The following RXFP1 variants were observed in gnomAD, a reference collection of about 807,000 sequenced individuals.
RXFP1 encodes relaxin family peptide receptor 1, also known as relaxin receptor 1.
A neutral mutation model predicts 89.8 loss-of-function variants in RXFP1; 73 were observed. The observed-to-expected ratio is 0.81, with a 90% confidence interval of 0.67 to 0.99. RXFP1 has a LOEUF of 0.99. Among genes scored for constraint, RXFP1 ranks in the 50% least tolerant of loss-of-function variants. The pLI, the probability that RXFP1 is intolerant of heterozygous loss-of-function variation, is 0.00. For synonymous variants in RXFP1, 277 were observed against 305.5 expected, an observed-to-expected ratio of 0.91 and a Z score of 0.97; for missense variants, 793 against 895.5, an observed-to-expected ratio of 0.89 and a Z score of 1.46.
In RXFP1 at chr4:158,651,895, T is replaced by C. The variant is rs1411070248; in HGVS notation, c.2114T>C (p.Met705Thr). The C allele has an allele frequency of 2.5e-6, 4 of 1,614,170 alleles. No individual in the cohort carries two copies. The highest frequency in any genetic ancestry group is 2.2e-5 in the East Asian group (1 of 44,876). ...TATAACTACAGACAAAGAAAATCTA[T>C]GGACAGCAAAGGTCAGAAAACATAT... ...FWYNYRQRKSMDSKGQKTYAP... is the reference protein window; with the variant it reads ...FWYNYRQRKSTDSKGQKTYAP... Residue 705 changes from methionine to threonine, a missense_variant, in exon 18 of 18, where the codon ATG (methionine) becomes ACG (threonine). By Grantham distance (81) the Met-to-Thr change is moderately conservative. Transcript: ENST00000307765.
rs549638382 is a variant in RXFP1 at position 158,622,071 on chromosome 4, G to A, written c.756-4749G>A. The stretch of plus-strand genomic sequence containing the variant: ...TACGCCTGTAATCCCAACACTGTGG[G>A]TGGCAGAGGTGGGTGGATCACTTGA... On this transcript the variant is annotated intron_variant, in intron 9 of 17. Transcript: ENST00000307765. Among the ~76,000 whole-genome samples the A allele has an allele frequency of 4.6e-5, 7 of 152,342 alleles. No homozygotes were observed. The East Asian group carries it at 1.4e-3, about 29-fold the overall frequency.
At chr4:158,598,416 G>A (rs183578899) in intron 3 of RXFP1, among the ~76,000 whole-genome samples, 10 of 152,188 alleles carry the variant, frequency 6.6e-5, no homozygotes, top group Admixed American at 5.2e-4. Context: ...GGAGACACTG[G>A]AGTCTGTAAC....
chr4:158,524,596 A>T (rs1399316236), intron 1 of RXFP1, among the ~76,000 whole-genome samples: 1 of 152,224 alleles, frequency 6.6e-6, no homozygotes, highest in Non-Finnish European at 1.5e-5. Context: ...CCTTCTGTCC[A>T]TAGTCTAATT....
At chr4:158,643,368 A>ATCAGT (rs1770763902) in intron 14 of RXFP1, among the ~76,000 whole-genome samples, 1 of 151,998 alleles carries the variant, frequency 6.6e-6, no homozygotes, top group Non-Finnish European at 1.5e-5. Context: ...TAGCTCCTGT[A>ATCAGT]TCAGTGCTGC....
intron 1 of RXFP1, among the ~76,000 whole-genome samples, chr4:158,523,027 T>A (rs1339234078): frequency 6.6e-6 from 1 of 152,154 alleles, no homozygotes; most frequent in Non-Finnish European, 1.5e-5. Flanking sequence ...CTCCATCGCA[T>A]CTAAAGTTAA....
intron 9 of RXFP1, among the ~76,000 whole-genome samples, chr4:158,624,158 A>G (rs887791305): frequency 5.9e-5 from 9 of 152,204 alleles, no homozygotes; most frequent in Non-Finnish European, 1.2e-4. Flanking sequence ...TACACAAACC[A>G]AACTCAAGAA....
chr4:158,633,381 A>G, intron 11 of RXFP1, 24 bp from the exon 12 acceptor site: 2 of 1,410,192 alleles, frequency 1.4e-6, no homozygotes, highest in Non-Finnish European at 2.0e-6. Flanking sequence ...AAATAATATC[A>G]CATATTTGCA....
At chr4:158,650,408 C>A (rs1369393872) in intron 17 of RXFP1, among the ~76,000 whole-genome samples, 2 of 146,832 alleles carry the variant, frequency 1.4e-5, no homozygotes, top group African/African-American at 5.2e-5. Flanking sequence ...AATGAAAATG[C>A]ATATATCCTG....
chr4:158,572,879 A>C (rs761585791), intron 2 of RXFP1, 44 bp downstream of exon 2: 34 of 1,598,274 alleles, frequency 2.1e-5, no homozygotes, highest in Non-Finnish European at 2.5e-5. Context: ...AGGAGCAGAA[A>C]GGACTGAAGG....
intron 9 of RXFP1, among the ~76,000 whole-genome samples, chr4:158,620,186 C>G (rs1226145982): frequency 6.6e-6 from 1 of 152,148 alleles, no homozygotes; most frequent in Non-Finnish European, 1.5e-5. Context: ...ATTATTTCAA[C>G]AGCCTTAGCA....
intron 1 of RXFP1, among the ~76,000 whole-genome samples, chr4:158,567,233 C>T (rs1449418016): frequency 1.3e-5 from 2 of 152,164 alleles, no homozygotes; most frequent in Non-Finnish European, 2.9e-5. Context: ...CGACCATGGC[C>T]CCCTGCTCCA....
chr4:158,638,806 T>C (rs557465267), intron 13 of RXFP1, among the ~76,000 whole-genome samples: 2 of 74,816 alleles, frequency 2.7e-5, no homozygotes, highest in Non-Finnish European at 6.1e-5. Context: ...AGGAAGACCC[T>C]GTCTCAAAAA....
intron 1 of RXFP1, among the ~76,000 whole-genome samples, chr4:158,569,424 C>T (rs1014000048): frequency 3.9e-5 from 6 of 152,132 alleles, no homozygotes; most frequent in African/African-American, 1.4e-4. Context: ...AAACTACGGA[C>T]TTTGACTGAC....
At chr4:158,591,890 G>GA (rs1256177489) in intron 2 of RXFP1, among the ~76,000 whole-genome samples, 2 of 152,090 alleles carry the variant, frequency 1.3e-5, no homozygotes, top group African/African-American at 4.8e-5. Flanking sequence ...TAGCATTCAG[G>GA]AAAAAATTTA....
intron 1 of RXFP1, among the ~76,000 whole-genome samples, chr4:158,571,832 C>A (rs7436628): frequency 6.6e-6 from 1 of 152,238 alleles, no homozygotes; most frequent in African/African-American, 2.4e-5. Context: ...ATGTCAGCAG[C>A]TGTACCTGGA....
At chr4:158,544,222 T>C (rs1747602118) in intron 1 of RXFP1, 1 of 985,376 alleles carries the variant, frequency 1.0e-6, no homozygotes, top group Non-Finnish European at 1.2e-6. Flanking sequence ...CCATCTCCAA[T>C]ATGTCTGTTG....
chr4:158,651,121 C>T (rs971033379), intron 17 of RXFP1, among the ~76,000 whole-genome samples: 2 of 152,002 alleles, frequency 1.3e-5, no homozygotes, highest in Non-Finnish European at 2.9e-5. Context: ...GAGACCCTGT[C>T]TCAAAAACAA....
At chr4:158,611,372 G>A (rs1239320210) in intron 6 of RXFP1, among the ~76,000 whole-genome samples, 1 of 152,194 alleles carries the variant, frequency 6.6e-6, no homozygotes, top group Non-Finnish European at 1.5e-5. Context: ...TTGCAGAGGA[G>A]TGGGATGTAA....
At chr4:158,582,040 G>A (rs376116575) in intron 2 of RXFP1, among the ~76,000 whole-genome samples, 21 of 152,058 alleles carry the variant, frequency 1.4e-4, no homozygotes, top group Middle Eastern at 3.2e-3. Context: ...AAGAGAAGTC[G>A]TTCACCCTCA....
Sources: gnomAD v4.1 joint callset for allele counts (sites outside exome capture counted in the v4.1 genomes callset) on GRCh38, gnomAD v4.1.1 for gene constraint, MANE v1.5 for transcripts, NCBI Gene and HGNC (gene_info 2026-07-23, HGNC 2026-07-21) for gene names.